MSH3: variants seen among roughly 807,000 people sequenced by gnomAD.
MSH3 encodes the protein DNA mismatch repair protein Msh3.
A neutral mutation model predicts 123.3 loss-of-function variants in MSH3; 106 were observed. The observed-to-expected ratio is 0.86, with a 90% CI of 0.73 to 1.01. The LOEUF (loss-of-function observed/expected upper bound fraction) is 1.01. Among genes scored for constraint, MSH3 ranks in the 50% least tolerant of loss-of-function variants. The probability of loss-of-function intolerance (pLI) is 0.00; values close to 1 mark genes in which losing one functional copy is unlikely to be tolerated. For missense variants in MSH3, 1,459 were observed against 1,347.6 expected (o/e 1.08, Z -1.29); for synonymous variants, 515 against 481.4 (o/e 1.07, Z -0.91).
intron 8 of MSH3, among the ~76,000 whole-genome samples, chr5:80,698,307 C>T (rs951921462): frequency 1.3e-5 from 2 of 152,194 alleles, no homozygotes; most frequent in African/African-American, 4.8e-5. Flanking sequence ...TCCTTAAACA[C>T]AGTTATTGAG....
chr5:80,740,684 T>C (rs1743596790), intron 10 of MSH3, among the ~76,000 whole-genome samples: 1 of 150,604 alleles, frequency 6.6e-6, no homozygotes, highest in South Asian at 2.1e-4. Context: ...AATTACAGAG[T>C]AAATAACACT....
chr5:80,744,149 T>C (rs1743671389), intron 11 of MSH3, among the ~76,000 whole-genome samples: 1 of 152,214 alleles, frequency 6.6e-6, no homozygotes, highest in African/African-American at 2.4e-5. Flanking sequence ...GTTTATAAAA[T>C]GGTAACTGTG....
chr5:80,655,431 G>A (rs1362354831), intron 1 of MSH3: 1 of 220,936 alleles, frequency 4.5e-6, no homozygotes, highest in African/African-American at 2.2e-5. Context: ...ACGGTTAAAA[G>A]CAGTCATATT....
chr5:80,815,456 T>C (rs1745084041), intron 20 of MSH3, among the ~76,000 whole-genome samples: 1 of 152,304 alleles, frequency 6.6e-6, no homozygotes, highest in Admixed American at 6.5e-5. Flanking sequence ...CTGAGCCGAA[T>C]AGCAAGAATG....
rs1554068221 is a variant in MSH3, at chr5:80,692,032, G to GTATGTTTAGATAGATAAACATGTA, written c.1340+12956_1340+12979dup. The stretch of plus-strand genomic sequence containing the variant: ...ATGTATATGTTTAGATAGATAAACA[G>GTATGTTTAGATAGATAAACATGTA]TATGTTTAGATAGATAAACATGTAT... On this transcript the variant is annotated intron_variant, in intron 8 of 23. Transcript: ENST00000265081. Among the ~76,000 whole-genome samples the GTATGTTTAGATAGATAAACATGTA allele has an allele frequency of 4.7e-4, 21 of 44,836 alleles. 2 individuals carry two copies. Among genetic ancestry groups the GTATGTTTAGATAGATAAACATGTA allele is most frequent in the East Asian group, 1.3e-3 (2 of 1,596 alleles). The allele number at this position is 44,836 out of a possible 152,430, so 29.4% of individuals were successfully genotyped here.
At chr5:80,824,386 G>C (rs906581273) in intron 20 of MSH3, among the ~76,000 whole-genome samples, 51 of 149,434 alleles carry the variant, frequency 3.4e-4, no homozygotes, top group Non-Finnish European at 6.1e-4. Context: ...CCTCCCTCCA[G>C]GACGGGGGCT....
intron 20 of MSH3, among the ~76,000 whole-genome samples, chr5:80,830,559 C>T (rs1055272224): frequency 3.3e-5 from 5 of 152,162 alleles, no homozygotes; most frequent in African/African-American, 1.2e-4. Context: ...CTTTGACAAC[C>T]TTAATTATGT....
At chr5:80,823,883 G>A (rs903998441) in intron 20 of MSH3, among the ~76,000 whole-genome samples, 5 of 152,062 alleles carry the variant, frequency 3.3e-5, no homozygotes, top group Non-Finnish European at 7.4e-5. Context: ...TTGAGATTAG[G>A]GAGTGGTAAT....
chr5:80,847,317 C>A (rs998906223), intron 20 of MSH3, among the ~76,000 whole-genome samples: 1 of 151,672 alleles, frequency 6.6e-6, no homozygotes, highest in African/African-American at 2.4e-5. Flanking sequence ...GCCTCAGCCT[C>A]CCAGAGTGCT....
chr5:80,806,823 T>G (rs1744899311), intron 19 of MSH3, among the ~76,000 whole-genome samples: 1 of 152,210 alleles, frequency 6.6e-6, no homozygotes, highest in Non-Finnish European at 1.5e-5. Flanking sequence ...TTGACATCTT[T>G]ATGATACATA....
chr5:80,679,676 T>C (rs1749926003), intron 8 of MSH3, among the ~76,000 whole-genome samples: 3 of 152,184 alleles, frequency 2.0e-5, no homozygotes, highest in Admixed American at 2.0e-4. Context: ...CTAGGCGCTG[T>C]GCGTACAGAG....
intron 19 of MSH3, among the ~76,000 whole-genome samples, chr5:80,798,542 C>T (rs957859638): frequency 6.6e-6 from 1 of 152,172 alleles, no homozygotes; most frequent in African/African-American, 2.4e-5. Context: ...TAAAATATGT[C>T]TGAGCTTTAA....
chr5:80,664,889 A>T (rs1749530424), intron 2 of MSH3, among the ~76,000 whole-genome samples: 1 of 152,072 alleles, frequency 6.6e-6, no homozygotes, highest in African/African-American at 2.4e-5. Context: ...TCAAAAAAAA[A>T]CAAAAACAAA....
intron 21 of MSH3, among the ~76,000 whole-genome samples, chr5:80,862,472 A>G (rs1286470979): frequency 6.6e-6 from 1 of 152,184 alleles, no homozygotes; most frequent in East Asian, 1.9e-4. Context: ...TAAAGAATCC[A>G]TGAGACTGGG....
At chr5:80,745,450 A>G (rs1269449109) in intron 12 of MSH3, among the ~76,000 whole-genome samples, 1 of 152,226 alleles carries the variant, frequency 6.6e-6, no homozygotes, top group Non-Finnish European at 1.5e-5. Context: ...ACCTTCTGAG[A>G]TAGGTTCTTG....
At chr5:80,830,985 G>C (rs1304301423) in intron 20 of MSH3, among the ~76,000 whole-genome samples, 1 of 152,116 alleles carries the variant, frequency 6.6e-6, no homozygotes, top group African/African-American at 2.4e-5. Flanking sequence ...TTATATGAGA[G>C]AAACTTTTTT....
At chr5:80,831,108 G>A (rs760390147) in intron 20 of MSH3, among the ~76,000 whole-genome samples, 11 of 152,036 alleles carry the variant, frequency 7.2e-5, no homozygotes, top group South Asian at 4.1e-4. Flanking sequence ...CAGTAAGCTC[G>A]TTATAAAATT....
intron 19 of MSH3, among the ~76,000 whole-genome samples, chr5:80,798,376 C>T (rs531632062): frequency 6.6e-6 from 1 of 152,286 alleles, no homozygotes; most frequent in South Asian, 2.1e-4. Context: ...ACAGATTTCC[C>T]AATTCCTTCC....
chr5:80,831,479 C>T (rs1051516887), intron 20 of MSH3, among the ~76,000 whole-genome samples: 3 of 152,012 alleles, frequency 2.0e-5, no homozygotes, highest in African/African-American at 4.8e-5. Flanking sequence ...TAATTAAATA[C>T]AAGACAGATT....
Sources: allele counts gnomAD v4.1 joint callset (sites outside exome capture counted in the v4.1 genomes callset), GRCh38; gene constraint gnomAD v4.1.1; transcripts MANE v1.5; gene names NCBI Gene and HGNC (gene_info 2026-07-23, HGNC 2026-07-21).